Variants in B4GALT5 observed in about 807,000 individuals in gnomAD.
B4GALT5 encodes the protein UDP-Gal:beta-GlcNAc beta-1,4-galactosyltransferase 5.
In B4GALT5, 11 loss-of-function variants were observed where a neutral mutation model predicts 45.0. That is an observed-to-expected ratio of 0.24 (90% CI 0.15 to 0.40). The LOEUF is 0.40. Among genes scored for constraint, B4GALT5 ranks in the 10% least tolerant of loss-of-function variants. The pLI is 1.00. For synonymous variants in B4GALT5, 185 were observed against 182.9 expected (o/e 1.01, Z -0.09); for missense variants, 337 against 500.2 (o/e 0.67, Z 3.11).
chr20:49,710,688 G>A (rs567064112), intron 1 of B4GALT5, among the ~76,000 whole-genome samples: 2 of 152,104 alleles, frequency 1.3e-5, no homozygotes, highest in South Asian at 4.2e-4. Flanking sequence ...AAAGTGCTGG[G>A]ATTACAGGTG....
chr20:49,639,596 T>C, intron 7 of B4GALT5, 82 bp downstream of exon 7: 1 of 1,536,960 alleles, frequency 6.5e-7, no homozygotes, highest in Admixed American at 2.0e-5. Context: ...ACACATGGCT[T>C]GCATTATATT....
intron 1 of B4GALT5, among the ~76,000 whole-genome samples, chr20:49,696,889 T>C (rs991450507): frequency 6.6e-6 from 1 of 152,234 alleles, no homozygotes; most frequent in African/African-American, 2.4e-5. Context: ...TACTGGGAAG[T>C]CTACTCAAAA....
chr20:49,708,827 G>A (rs2085895710), intron 1 of B4GALT5, among the ~76,000 whole-genome samples: 2 of 151,818 alleles, frequency 1.3e-5, no homozygotes, highest in African/African-American at 2.4e-5. Flanking sequence ...AGCAACTCAG[G>A]AGGCTGAGGC....
At chr20:49,665,444 T>G in intron 1 of B4GALT5, among the ~76,000 whole-genome samples, 1 of 26,510 alleles carries the variant, frequency 3.8e-5, no homozygotes, top group Admixed American at 2.9e-4. Flanking sequence ...GTAGTAGTAA[T>G]AATAATAATA....
chr20:49,686,039 T>C (rs2146351730), intron 1 of B4GALT5, among the ~76,000 whole-genome samples: 1 of 151,834 alleles, frequency 6.6e-6, no homozygotes, highest in African/African-American at 2.4e-5. Context: ...GGGAAGGGAG[T>C]ACTATAAAAA....
At chr20:49,668,207 CTAATT>C (rs2085700329) in intron 1 of B4GALT5, among the ~76,000 whole-genome samples, 1 of 151,984 alleles carries the variant, frequency 6.6e-6, no homozygotes, top group African/African-American at 2.4e-5. Context: ...ATTTTTCACC[CTAATT>C]ACTATTCCTA....
rs1221010299 is a variant in B4GALT5, at chr20:49,643,496, C to T, written c.489+30G>A. ...AAAGGCAAACCCCAGGTGGGCTTCT[C>T]AGCATTTTGGCTGTGACTTCACACC... On this transcript the variant is annotated intron_variant, in intron 4 of 8. Transcript: ENST00000371711. 3 of 1,611,488 alleles carry T rather than the reference C, an allele frequency of 1.9e-6. No homozygotes were observed. The Admixed American group carries it at 5.0e-5, about 27-fold the overall frequency.
intron 7 of B4GALT5, among the ~76,000 whole-genome samples, chr20:49,638,302 G>A (rs940311845): frequency 6.6e-6 from 1 of 152,184 alleles, no homozygotes; most frequent in Non-Finnish European, 1.5e-5. Flanking sequence ...ACAGGTGTGA[G>A]CCACAGTGCT....
intron 1 of B4GALT5, among the ~76,000 whole-genome samples, chr20:49,689,379 T>C (rs1031487336): frequency 2.0e-5 from 3 of 152,240 alleles, no homozygotes; most frequent in Non-Finnish European, 4.4e-5. Context: ...TGTGATTCAA[T>C]GGATCCGTTT....
At chr20:49,680,425 T>A (rs1481394062) in intron 1 of B4GALT5, among the ~76,000 whole-genome samples, 1 of 152,168 alleles carries the variant, frequency 6.6e-6, no homozygotes, top group Admixed American at 6.5e-5. Context: ...ACTTAAAAAA[T>A]TTAAACTTAA....
intron 1 of B4GALT5, among the ~76,000 whole-genome samples, chr20:49,681,190 T>C (rs540455975): frequency 7.8e-6 from 1 of 127,422 alleles, no homozygotes; most frequent in East Asian, 2.3e-4. Flanking sequence ...GACTCCAGCC[T>C]GCGCAACAGA....
chr20:49,709,598 C>A (rs529858912), intron 1 of B4GALT5, among the ~76,000 whole-genome samples: 13 of 152,060 alleles, frequency 8.5e-5, no homozygotes, highest in Non-Finnish European at 1.5e-5. Context: ...ATGGTAAAAC[C>A]CCATCTCTAC....
At chr20:49,696,098 T>C (rs2085838601) in intron 1 of B4GALT5, among the ~76,000 whole-genome samples, 1 of 152,250 alleles carries the variant, frequency 6.6e-6, no homozygotes. Context: ...ATGTATATAG[T>C]TAATGTGACC....
At position 49,643,517 on chromosome 20, in the gene B4GALT5, A is replaced by C. The variant is rs1601246790; in HGVS notation, c.489+9T>G. The C allele has an allele frequency of 6.2e-7, 1 of 1,613,794 alleles. No individual in the cohort carries two copies. Among genetic ancestry groups the C allele is most frequent in the East Asian group, 2.2e-5 (1 of 44,872 alleles). Reference sequence around the variant, plus strand: ...TTCTCAGCATTTTGGCTGTGACTTCACACCCTACCTTCCACCGAGGCATGC... The same window carrying C: ...TTCTCAGCATTTTGGCTGTGACTTCCCACCCTACCTTCCACCGAGGCATGC... On this transcript the variant is annotated intron_variant, in intron 4 of 8. Transcript: ENST00000371711.
At chr20:49,711,864 C>T (rs1436910396) in intron 1 of B4GALT5, among the ~76,000 whole-genome samples, 1 of 152,246 alleles carries the variant, frequency 6.6e-6, no homozygotes, top group East Asian at 1.9e-4. Flanking sequence ...ATCTCCTGCT[C>T]TATCTGGAAA....
chr20:49,670,317 G>A (rs2085710383), intron 1 of B4GALT5, among the ~76,000 whole-genome samples: 1 of 152,140 alleles, frequency 6.6e-6, no homozygotes, highest in Non-Finnish European at 1.5e-5. Flanking sequence ...ACATGTATCA[G>A]GCTAAAACAG....
rs2085718163 is a variant in B4GALT5, at chr20:49,672,013, C to T, written c.116-15311G>A. Among the ~76,000 whole-genome samples, 7 of 152,224 alleles carry T rather than the reference C, an allele frequency of 4.6e-5. No individual in the cohort carries two copies. The South Asian group carries it at 1.5e-3, about 32-fold the overall frequency. On this transcript the variant is annotated intron_variant, in intron 1 of 8. Transcript: ENST00000371711. The stretch of plus-strand genomic sequence containing the variant: ...TATTCTACCCCCAAATTATCCTACC[C>T]CAAATGATTCATAATGATCCTAAAG...
intron 1 of B4GALT5, among the ~76,000 whole-genome samples, chr20:49,690,243 T>A (rs1761221605): frequency 6.6e-6 from 1 of 152,158 alleles, no homozygotes; most frequent in Admixed American, 6.5e-5. Flanking sequence ...TGACCTCAAG[T>A]GATCTACCTA....
At chr20:49,693,629 G>A (rs769424191) in intron 1 of B4GALT5, among the ~76,000 whole-genome samples, 5 of 152,128 alleles carry the variant, frequency 3.3e-5, no homozygotes, top group Non-Finnish European at 5.9e-5. Flanking sequence ...GAGTATAAAC[G>A]TCTTCACTAT....
Sources: allele counts gnomAD v4.1 joint callset (sites outside exome capture counted in the v4.1 genomes callset), GRCh38; gene constraint gnomAD v4.1.1; transcripts MANE v1.5; gene names NCBI Gene and HGNC (gene_info 2026-07-23, HGNC 2026-07-21).